NIPSNAP3B: variants seen among roughly 807,000 people sequenced by gnomAD.
The protein encoded by NIPSNAP3B is protein NipSnap homolog 3B.
NIPSNAP3B carries 30 observed loss-of-function variants against 31.5 expected under a neutral mutation model. The ratio of observed to expected loss-of-function variants is 0.95; its 90% CI spans 0.71 to 1.29. The LOEUF (loss-of-function observed/expected upper bound fraction) is 1.29. NIPSNAP3B is among the 50% of genes most tolerant of loss of function. The pLI, the probability that NIPSNAP3B is intolerant of heterozygous loss-of-function variation, is 0.00. For missense variants in NIPSNAP3B, 269 were observed against 300.7 expected (o/e 0.89, Z 0.78); for synonymous variants, 106 against 107.9 (o/e 0.98, Z 0.11).
chr9:104,785,969 T>C, the NIPSNAP3B span, among the ~76,000 whole-genome samples: 1 of 152,088 alleles, frequency 6.6e-6, no homozygotes, highest in African/African-American at 2.4e-5. Context: ...GCAAACCCAT[T>C]TGTGTTTGAC....
At chr9:104,766,174 A>G (rs756212089) in intron 1 of NIPSNAP3B, 151 bp from the exon 2 acceptor site, 4 of 613,550 alleles carry the variant, frequency 6.5e-6, no homozygotes, top group South Asian at 2.0e-5. Context: ...TGACATCTCT[A>G]TGTAAACAAG....
chr9:104,778,314 T>G (rs969496139), downstream of NIPSNAP3B, among the ~76,000 whole-genome samples: 1 of 152,088 alleles, frequency 6.6e-6, no homozygotes, highest in Non-Finnish European at 1.5e-5. Context: ...CACTGAAACC[T>G]CCGCCTCCCA....
At chr9:104,784,482 A>AT in the NIPSNAP3B span, 1 of 1,613,876 alleles carries the variant, frequency 6.2e-7, no homozygotes. Context: ...ATGGACCTTT[A>AT]TAAATACCAC....
chr9:104,781,039 G>A (rs1182207353), downstream of NIPSNAP3B: 1 of 152,496 alleles, frequency 6.6e-6, no homozygotes, highest in African/African-American at 2.4e-5. Context: ...GCTTTATTTT[G>A]TGACTCATTA....
chr9:104,790,612 T>C, the NIPSNAP3B span, among the ~76,000 whole-genome samples: 7 of 152,182 alleles, frequency 4.6e-5, no homozygotes, highest in Non-Finnish European at 1.0e-4. Context: ...GTGGTGATGG[T>C]TGCAAAACTC....
chr9:104,770,886 T>C lies in NIPSNAP3B; in HGVS notation c.468T>C (p.Gly156=). Reference sequence around the variant, plus strand: ...TAGCTGTTTTTCAGATGAAACCTGGTGGGCCAGCTCTGTGGGGTGATGCAT... The same window carrying C: ...TAGCTGTTTTTCAGATGAAACCTGGCGGGCCAGCTCTGTGGGGTGATGCAT... The part of the protein sequence containing the change: ...YELAVFQMKP[G]GPALWGDAFE... The change falls in exon 4 of 6, where the codon GGT becomes GGC. Residue 156 remains glycine (G), a synonymous_variant. Coordinates refer to ENST00000374762, the MANE Select transcript of NIPSNAP3B (RefSeq NM_018376.4). The C allele has an allele frequency of 6.2e-7, 1 of 1,613,738 alleles. No individual in the cohort carries two copies. Among genetic ancestry groups the C allele is most frequent in the Non-Finnish European group, 8.5e-7 (1 of 1,179,668 alleles).
the NIPSNAP3B span, chr9:104,788,367 A>G: frequency 6.2e-7 from 1 of 1,611,714 alleles, no homozygotes; most frequent in Middle Eastern, 1.7e-4. Context: ...GAAAAGCCAT[A>G]AGGTATATAT....
At chr9:104,768,213 CTT>C (rs887582741) in intron 2 of NIPSNAP3B, among the ~76,000 whole-genome samples, 8 of 152,010 alleles carry the variant, frequency 5.3e-5, no homozygotes, top group African/African-American at 1.7e-4. Flanking sequence ...GTTTGGGTAA[CTT>C]AGAAAGAAGA....
the NIPSNAP3B span, among the ~76,000 whole-genome samples, chr9:104,789,746 G>A: frequency 1.3e-5 from 2 of 150,862 alleles, no homozygotes; most frequent in East Asian, 2.0e-4. Context: ...TTCCCACAAC[G>A]GTCATGGTCA....
rs1422375721 is a variant in NIPSNAP3B at position 104,774,975 on chromosome 9, C to T, written c.*1902C>T. On this transcript the variant is annotated 3_prime_UTR_variant, in exon 6 of 6. Transcript: ENST00000374762. ...GAAGAGTCTTCATAAGTTCCCACCC[C>T]GTCTGCCCGCTTTCTACAGCCAACC... 1.3e-5 allele frequency among the ~76,000 whole-genome samples: 2 copies of T among 152,018 alleles called. No individual in the cohort carries two copies. The highest frequency in any genetic ancestry group is 2.9e-5 in the Non-Finnish European group (2 of 68,010).
chr9:104,769,082 ATAAAGAG>A (rs1828151232), intron 3 of NIPSNAP3B, 61 bp downstream of exon 3: 1 of 1,247,640 alleles, frequency 8.0e-7, no homozygotes, highest in Admixed American at 2.3e-5. Flanking sequence ...ACCTAAAGTT[ATAAAGAG>A]TAAAGTTCTA....
intron 3 of NIPSNAP3B, among the ~76,000 whole-genome samples, chr9:104,769,453 C>CAAAAG (rs1554691847): frequency 9.1e-6 from 1 of 109,466 alleles, no homozygotes; most frequent in Admixed American, 1.1e-4. Context: ...GACTCCGTCT[C>CAAAAG]AAAAAAAAAA....
At chr9:104,781,503 TACAACC>T (rs1467644525), downstream of NIPSNAP3B, 1 of 152,614 alleles carries the variant, frequency 6.6e-6, no homozygotes, top group Non-Finnish European at 1.5e-5. Flanking sequence ...ACCTGATATA[TACAACC>T]ACAAGAAGAA....
the NIPSNAP3B span, chr9:104,784,454 A>G: frequency 6.2e-7 from 1 of 1,614,058 alleles, no homozygotes; most frequent in Non-Finnish European, 8.5e-7. Context: ...GTTCACAAAT[A>G]CCTGTTAAAA....
At position 104,768,992 on chromosome 9, in the gene NIPSNAP3B, G is replaced by A; in HGVS notation, c.401G>A (p.Trp134Ter). The A allele has an allele frequency of 6.2e-7, 1 of 1,612,856 alleles. No homozygotes were observed. Among genetic ancestry groups the A allele is most frequent in the Non-Finnish European group, 8.5e-7 (1 of 1,179,588 alleles). The change falls in exon 3 of 6, where the codon TGG (tryptophan) becomes TAG (stop). Residue 134 changes from tryptophan (W) to a stop codon, truncating the protein, a stop_gained. Transcript: ENST00000374762. LOFTEE classifies it high-confidence loss of function. Reference sequence around the variant, plus strand: ...ACGGAAATTACTTACCTGATACCATGGTCCAAATTAGAAAAGCCTCCAAAA... The same window carrying A: ...ACGGAAATTACTTACCTGATACCATAGTCCAAATTAGAAAAGCCTCCAAAA... ...QETEITYLIP[W>*]SKLEKPPKEG...
At chr9:104,779,295 G>A (rs1209606687), downstream of NIPSNAP3B, among the ~76,000 whole-genome samples, 1 of 152,160 alleles carries the variant, frequency 6.6e-6, no homozygotes, top group Non-Finnish European at 1.5e-5. Context: ...AAATTCATTA[G>A]AGCAGGAATT....
Position 104,773,028 on chromosome 9 carries a change from G to A in NIPSNAP3B, c.699G>A (p.Gln233=). ...AAAGTGTCAACTACCTAGTTTCTCA[G>A]CAGAATATGCTTCTGATTCCTGCAT... ...VRESVNYLVS[Q]QNMLLIPASF... is the part of the protein sequence containing the mutation. Residue 233 remains glutamine, a synonymous_variant, in exon 6 of 6, where the codon CAG becomes CAA. Transcript: ENST00000374762. The A allele has an allele frequency of 6.2e-7, 1 of 1,614,148 alleles. No individual in the cohort carries two copies. The highest frequency in any genetic ancestry group is 8.5e-7 in the Non-Finnish European group (1 of 1,179,994).
At chr9:104,789,820 G>A in the NIPSNAP3B span, among the ~76,000 whole-genome samples, 9 of 152,102 alleles carry the variant, frequency 5.9e-5, no homozygotes, top group African/African-American at 1.7e-4. Context: ...GAAGCCGGGC[G>A]CAGTGGCTCA....
chr9:104,765,874 A>G (rs538002081), intron 1 of NIPSNAP3B, among the ~76,000 whole-genome samples: 8 of 152,336 alleles, frequency 5.3e-5, no homozygotes, highest in African/African-American at 1.9e-4. Context: ...GTTTTTTGTT[A>G]GTAAACGTAT....
Sources: gnomAD v4.1 joint callset for allele counts (sites outside exome capture counted in the v4.1 genomes callset) on GRCh38, gnomAD v4.1.1 for gene constraint, MANE v1.5 for transcripts, NCBI Gene and HGNC (gene_info 2026-07-23, HGNC 2026-07-21) for gene names.